The following CCDC7 variants were observed in gnomAD, a reference collection of about 807,000 sequenced individuals.
The protein encoded by CCDC7 is coiled-coil domain-containing protein 7.
Under a neutral mutation model 196.9 loss-of-function variants are expected in CCDC7, and 183 were observed. The observed-to-expected ratio is 0.93, with a 90% CI of 0.82 to 1.05. The LOEUF is 1.05. Ranked by LOEUF, CCDC7 falls within the 50% of genes least tolerant of loss-of-function variation. CCDC7 has a pLI of 0.00. For missense variants in CCDC7, 1,540 were observed against 1,482.2 expected, an observed-to-expected ratio of 1.04 and a Z score of -0.64; for synonymous variants, 525 against 484.6, an observed-to-expected ratio of 1.08 and a Z score of -1.10.
intron 20 of CCDC7, among the ~76,000 whole-genome samples, chr10:32,660,179 G>T (rs867470634): frequency 4.9e-4 from 73 of 148,414 alleles, no homozygotes; most frequent in African/African-American, 1.6e-3. Context: ...CATTGTGCAG[G>T]TTAGTTACAT....
At chr10:32,769,772 G>T (rs934138804) in intron 28 of CCDC7, among the ~76,000 whole-genome samples, 2 of 152,066 alleles carry the variant, frequency 1.3e-5, no homozygotes, top group African/African-American at 4.8e-5. Flanking sequence ...GAGAATGGTG[G>T]TTTCCAGCTT....
chr10:32,732,521 C>A (rs187108898), intron 28 of CCDC7, among the ~76,000 whole-genome samples: 2 of 152,234 alleles, frequency 1.3e-5, no homozygotes, highest in African/African-American at 4.8e-5. Context: ...TTAAATTCTG[C>A]TACTGTGATT....
At chr10:32,824,526 G>A (rs1214943012) in exon 32 of CCDC7, 3 of 1,603,316 alleles carry the variant, frequency 1.9e-6, no homozygotes, top group Non-Finnish European at 2.6e-6. Flanking sequence ...AGAGACTGAT[G>A]AACGATTGCA....
intron 29 of CCDC7, among the ~76,000 whole-genome samples, chr10:32,802,439 C>G (rs753197109): frequency 5.3e-5 from 8 of 152,136 alleles, no homozygotes; most frequent in South Asian, 2.1e-4. Context: ...TGGGTCTAAT[C>G]ATATTAAGCA....
intron 41 of CCDC7, among the ~76,000 whole-genome samples, chr10:32,868,546 T>C (rs1264106703): frequency 6.6e-6 from 1 of 152,024 alleles, no homozygotes; most frequent in Non-Finnish European, 1.5e-5. Context: ...GATTCATCTA[T>C]GTTTTAGCAT....
At chr10:32,506,370 C>T (rs373152319) in intron 9 of CCDC7, among the ~76,000 whole-genome samples, 3 of 150,054 alleles carry the variant, frequency 2.0e-5, no homozygotes, top group Non-Finnish European at 4.4e-5. Flanking sequence ...CACTTCCAGA[C>T]GGGGCAGCCG....
At chr10:32,828,522 G>T (rs2091696270) in intron 32 of CCDC7, among the ~76,000 whole-genome samples, 1 of 149,826 alleles carries the variant, frequency 6.7e-6, no homozygotes, top group Admixed American at 6.7e-5. Flanking sequence ...AGAAGAAGAA[G>T]AAGAAGAAGA....
At chr10:32,699,740 G>A (rs189257288) in intron 24 of CCDC7, among the ~76,000 whole-genome samples, 9 of 149,270 alleles carry the variant, frequency 6.0e-5, no homozygotes, top group South Asian at 2.1e-4. Flanking sequence ...TTTAATGATC[G>A]TCATTCTAAC....
chr10:32,670,105 C>T (rs1240794806), intron 21 of CCDC7, among the ~76,000 whole-genome samples: 1 of 152,056 alleles, frequency 6.6e-6, no homozygotes, highest in Non-Finnish European at 1.5e-5. Flanking sequence ...GTCCTGGGTT[C>T]TTTCCTCTTA....
chr10:32,651,205 T>C (rs528994489), intron 20 of CCDC7, among the ~76,000 whole-genome samples: 4 of 152,186 alleles, frequency 2.6e-5, no homozygotes, highest in Non-Finnish European at 5.9e-5. Flanking sequence ...ATCTCAGAGG[T>C]TTGCAGTAAG....
chr10:32,823,989 A>G (rs2090706521), intron 31 of CCDC7, among the ~76,000 whole-genome samples: 1 of 152,146 alleles, frequency 6.6e-6, no homozygotes, highest in Admixed American at 6.5e-5. Flanking sequence ...ACCACCTAAA[A>G]TAGACTATTA....
chr10:32,510,146 A>G (rs78230642), intron 9 of CCDC7, among the ~76,000 whole-genome samples: 6,862 of 152,286 alleles, frequency 0.045, 520 homozygotes, highest in African/African-American at 0.16. Context: ...ATGAATGGAT[A>G]TAATGTGCCT....
intron 9 of CCDC7, 135 bp from the exon 11 acceptor site, chr10:32,517,810 T>C (rs2047268286): frequency 1.3e-6 from 1 of 787,922 alleles, no homozygotes; most frequent in Non-Finnish European, 1.9e-6. Flanking sequence ...AAAAGTGGGA[T>C]GCAAGGGAGG....
At position 32,739,687 on chromosome 10, in the gene CCDC7, T is replaced by C. The variant is rs539072679; in HGVS notation, c.2905+10230T>C. On this transcript the variant is annotated intron_variant, in intron 28 of 41. Transcript: ENST00000639629. ...TTTTTACTTTTAGCATGACTTGAAA[T>C]TTTTGTTGTTGTTGTTGAAATCTAG... 1.2e-4 allele frequency among the ~76,000 whole-genome samples: 18 copies of C among 152,068 alleles called. No homozygotes were observed. In the South Asian group the frequency reaches 3.7e-3, roughly 32 times the overall value.
intron 9 of CCDC7, chr10:32,511,590 C>T: frequency 6.2e-7 from 1 of 1,603,408 alleles, no homozygotes; most frequent in African/African-American, 1.3e-5. Context: ...TTTGCTTGTT[C>T]AAGTGGATCC....
At chr10:32,837,309 A>C (rs912291494) in intron 33 of CCDC7, among the ~76,000 whole-genome samples, 9 of 152,180 alleles carry the variant, frequency 5.9e-5, no homozygotes, top group Non-Finnish European at 7.4e-5. Flanking sequence ...ATGCAGCCAA[A>C]AGACACATGA....
intron 30 of CCDC7, among the ~76,000 whole-genome samples, chr10:32,806,082 T>G (rs1007033113): frequency 7.2e-5 from 11 of 152,202 alleles, no homozygotes; most frequent in Non-Finnish European, 1.2e-4. Flanking sequence ...GAGAAGGATC[T>G]GCCCTTGTGA....
chr10:32,667,391 A>G (rs565500408), intron 21 of CCDC7, among the ~76,000 whole-genome samples: 62 of 152,238 alleles, frequency 4.1e-4, no homozygotes, highest in Non-Finnish European at 8.2e-4. Flanking sequence ...CCATTTGTCA[A>G]TTTTGGCTTT....
intron 20 of CCDC7, among the ~76,000 whole-genome samples, chr10:32,658,697 A>G (rs2070529533): frequency 6.6e-6 from 1 of 152,200 alleles, no homozygotes; most frequent in Non-Finnish European, 1.5e-5. Context: ...AAGTTCTGTC[A>G]GTTGCAACGG....
Sources: gnomAD v4.1 joint callset for allele counts (sites outside exome capture counted in the v4.1 genomes callset) on GRCh38, gnomAD v4.1.1 for gene constraint, MANE v1.5 for transcripts, NCBI Gene and HGNC (gene_info 2026-07-23, HGNC 2026-07-21) for gene names.